The following SHANK2 variants were observed in gnomAD, a reference collection of about 807,000 sequenced individuals.
SHANK2 encodes the protein SH3 and multiple ankyrin repeat domains 2.
SHANK2 carries 43 observed loss-of-function variants against 133.7 expected under a neutral mutation model. The observed-to-expected ratio is 0.32, with a 90% CI of 0.25 to 0.41. The LOEUF is 0.41. Ranked by LOEUF, SHANK2 falls within the 10% of genes least tolerant of loss-of-function variation. The pLI is 1.00. For synonymous variants in SHANK2, 1,017 were observed against 952.8 expected, an observed-to-expected ratio of 1.07 and a Z score of -1.24; for missense variants, 1,994 against 2,235.8, an observed-to-expected ratio of 0.89 and a Z score of 2.18.
At chr11:70,554,068 T>G (rs2059801078) in intron 17 of SHANK2, among the ~76,000 whole-genome samples, 1 of 152,234 alleles carries the variant, frequency 6.6e-6, no homozygotes, top group Non-Finnish European at 1.5e-5. Context: ...ACAACCTTGC[T>G]TTGCCTTCTC....
intron 13 of SHANK2, 92 bp downstream of exon 13, chr11:70,806,910 C>T: frequency 6.4e-6 from 4 of 629,172 alleles, no homozygotes; most frequent in Non-Finnish European, 1.2e-5. Context: ...CATGGAGAAG[C>T]ACAGCCTTGG....
intron 2 of SHANK2, among the ~76,000 whole-genome samples, chr11:71,151,194 C>G (rs1320028171): frequency 6.6e-6 from 1 of 152,114 alleles, no homozygotes; most frequent in Non-Finnish European, 1.5e-5. Context: ...AATTGTGGAC[C>G]CTGTGCTAGT....
intron 15 of SHANK2, among the ~76,000 whole-genome samples, chr11:70,674,834 T>G (rs782440856): frequency 3.9e-5 from 6 of 152,250 alleles, no homozygotes; most frequent in Non-Finnish European, 7.3e-5. Context: ...AATAAAACTT[T>G]ATTTACAAAA....
chr11:71,112,174 A>C (rs1555099451), intron 5 of SHANK2, among the ~76,000 whole-genome samples: 1 of 152,178 alleles, frequency 6.6e-6, no homozygotes, highest in East Asian at 1.9e-4. Flanking sequence ...CGGATGGATC[A>C]CCTAAAGTCA....
chr11:71,150,655 C>T (rs1369466238), intron 2 of SHANK2, among the ~76,000 whole-genome samples: 6 of 151,968 alleles, frequency 3.9e-5, no homozygotes, highest in South Asian at 2.1e-4. Flanking sequence ...TCATGTCCAG[C>T]GCATGTTCTT....
intron 14 of SHANK2, among the ~76,000 whole-genome samples, chr11:70,731,233 G>A (rs1318526519): frequency 1.3e-5 from 2 of 152,234 alleles, no homozygotes; most frequent in African/African-American, 4.8e-5. Flanking sequence ...TGGGGACACA[G>A]TAAGAAGGTG....
At position 70,540,347 on chromosome 11, in the gene SHANK2, G is replaced by T. The variant is rs187096866; in HGVS notation, c.2062-37416C>A. 3.3e-3 allele frequency among the ~76,000 whole-genome samples: 481 copies of T among 146,760 alleles called. 1 individual carries two copies. The highest frequency in any genetic ancestry group is 0.012 in the African/African-American group (466 of 39,118). On this transcript the variant is annotated intron_variant, in intron 17 of 25. Coordinates refer to ENST00000601538, the MANE Select transcript of SHANK2 (RefSeq NM_012309.5). ...CGCCCACGGGCAGGTCAAGGGGACG[G>T]CGTCTGAGAAACCCAGGCAGGCTGG... is the stretch of plus-strand genomic sequence containing the variant.
At chr11:70,701,457 A>C (rs572601213) in intron 14 of SHANK2, among the ~76,000 whole-genome samples, 368 of 152,214 alleles carry the variant, frequency 2.4e-3, no homozygotes, top group Non-Finnish European at 4.2e-3. Context: ...GCTGGAGTGC[A>C]GTGGTGCGAT....
intron 21 of SHANK2, 144 bp from the exon 22 acceptor site, chr11:70,492,609 GCCTCT>G: frequency 7.3e-6 from 8 of 1,093,768 alleles, no homozygotes; most frequent in Non-Finnish European, 1.1e-5. Context: ...GCATGCGTGT[GCCTCT>G]GCCACATGCA....
rs529905943 is a variant in SHANK2 at position 70,903,302 on chromosome 11, G to A, written c.1108-6735C>T. ...CGAGGCAAAAGAATTGCTTGAACCC[G>A]GGAGGCGGAGGTTGCAGTGAGCTGA... On this transcript the variant is annotated intron_variant, in intron 10 of 25. Coordinates refer to ENST00000601538, the MANE Select transcript of SHANK2 (RefSeq NM_012309.5). Among the ~76,000 whole-genome samples, 10 of 151,982 alleles carry A rather than the reference G, an allele frequency of 6.6e-5. No individual in the cohort carries two copies. The South Asian group carries it at 1.0e-3, about 16-fold the overall frequency.
chr11:71,154,080 G>C (rs1476719528), intron 2 of SHANK2, among the ~76,000 whole-genome samples: 1 of 152,138 alleles, frequency 6.6e-6, no homozygotes, highest in African/African-American at 2.4e-5. Flanking sequence ...ATCTCTGAGA[G>C]ACACCCTGTA....
intron 15 of SHANK2, among the ~76,000 whole-genome samples, chr11:70,690,574 C>T (rs1431243374): frequency 7.8e-6 from 1 of 129,028 alleles, no homozygotes; most frequent in African/African-American, 2.9e-5. Context: ...CCTGCCTTGG[C>T]TTCCCAAAGT....
chr11:70,640,655 G>C (rs2061166853), intron 17 of SHANK2, among the ~76,000 whole-genome samples: 1 of 152,250 alleles, frequency 6.6e-6, no homozygotes, highest in African/African-American at 2.4e-5. Context: ...GGCCCACTAC[G>C]AGCAGGGGAG....
intron 2 of SHANK2, among the ~76,000 whole-genome samples, chr11:71,167,920 G>A (rs1284193599): frequency 2.0e-5 from 3 of 147,790 alleles, no homozygotes; most frequent in Non-Finnish European, 4.5e-5. Context: ...TCCGGGCGGG[G>A]GGCTGACCCC....
chr11:70,728,970 C>T (rs540878402), intron 14 of SHANK2, among the ~76,000 whole-genome samples: 22 of 152,052 alleles, frequency 1.4e-4, no homozygotes, highest in African/African-American at 4.6e-4. Context: ...TTTGGGAGGC[C>T]GAGGTGGGTG....
At chr11:70,918,362 T>C (rs556154250) in intron 10 of SHANK2, among the ~76,000 whole-genome samples, 92 of 152,306 alleles carry the variant, frequency 6.0e-4, no homozygotes, top group African/African-American at 2.2e-3. Context: ...ATTGATACAA[T>C]TTATGTCCTA....
At chr11:71,063,130 T>G (rs904436893) in intron 9 of SHANK2, among the ~76,000 whole-genome samples, 52,076 of 148,734 alleles carry the variant, frequency 0.35, 9,723 homozygotes, top group African/African-American at 0.5. Context: ...GTAAAGAAAA[T>G]AAAATTCCCT....
rs184160373 is a variant in SHANK2, at chr11:70,641,621, C to T, written c.2061+18207G>A. On this transcript the variant is annotated intron_variant, in intron 17 of 25. Transcript: ENST00000601538. ...TCTGCCAGCCAGAGGCGGCCGAGCCCGGTGACCTGGGCATCTGCGTATTCA... is the reference window on the plus strand; with the variant it reads ...TCTGCCAGCCAGAGGCGGCCGAGCCTGGTGACCTGGGCATCTGCGTATTCA... 1.9e-4 allele frequency among the ~76,000 whole-genome samples: 29 copies of T among 152,358 alleles called. No individual in the cohort carries two copies. In the East Asian group the frequency reaches 3.7e-3, roughly 19 times the overall value.
At chr11:70,752,204 C>A (rs567438420) in intron 14 of SHANK2, among the ~76,000 whole-genome samples, 88 of 152,182 alleles carry the variant, frequency 5.8e-4, no homozygotes, top group African/African-American at 2.0e-3. Flanking sequence ...CCCCCCTTGG[C>A]CTCCCAATCA....
Sources: gnomAD v4.1 joint callset for allele counts (sites outside exome capture counted in the v4.1 genomes callset) on GRCh38, gnomAD v4.1.1 for gene constraint, MANE v1.5 for transcripts, NCBI Gene and HGNC (gene_info 2026-07-23, HGNC 2026-07-21) for gene names.